The following BPI variants were observed in gnomAD, a reference collection of about 807,000 sequenced individuals.
BPI encodes the protein bactericidal permeability-increasing protein.
In BPI, 48 loss-of-function variants were observed where a neutral mutation model predicts 57.6. The ratio of observed to expected loss-of-function variants is 0.83; its 90% CI spans 0.66 to 1.06. The LOEUF (loss-of-function observed/expected upper bound fraction) is 1.06. BPI is among the 50% of genes least tolerant of loss of function. The pLI is 0.00. For missense variants in BPI, 651 were observed against 609.7 expected (o/e 1.07, Z -0.71); for synonymous variants, 237 against 238.2 (o/e 0.99, Z 0.05).
chr20:38,304,236 C>G lies in BPI; in HGVS notation c.13C>G (p.Pro5Ala). ...GATGAGAGAGAACATGGCCAGGGGC[C>G]CTTGCAACGCGCCGAGATGGGCGTC... MARG[P>A]CNAPRWASLM... is the part of the protein sequence containing the mutation. The change falls in exon 1 of 15, where the codon CCT becomes GCT. Residue 5 changes from proline (P) to alanine (A), a missense_variant. Physicochemically the swap from Pro to Ala is conservative, Grantham distance 27. Transcript: ENST00000642449. 1 of 1,614,158 alleles carries G rather than the reference C, an allele frequency of 6.2e-7. No homozygotes were observed. Among genetic ancestry groups the G allele is most frequent in the Non-Finnish European group, 8.5e-7 (1 of 1,180,026 alleles).
chr20:38,326,479 A>G (rs1375767625), intron 10 of BPI, 47 bp downstream of exon 10: 1 of 1,555,298 alleles, frequency 6.4e-7, no homozygotes. Context: ...AGACAGTCCC[A>G]ACAGCACTGT....
intron 6 of BPI, among the ~76,000 whole-genome samples, chr20:38,319,512 G>T (rs1219679519): frequency 6.6e-6 from 1 of 152,230 alleles, no homozygotes; most frequent in Non-Finnish European, 1.5e-5. Context: ...TGCAGCTGCA[G>T]TGCCCAAGGT....
Position 38,318,469 on chromosome 20 carries a change from T to G in BPI, c.657T>G (p.Thr219=). 6.2e-7 allele frequency: 1 copy of G among 1,613,314 alleles called. No individual in the cohort carries two copies. Among genetic ancestry groups the G allele is most frequent in the Non-Finnish European group, 8.5e-7 (1 of 1,179,292 alleles). ...VSSELQPYFQ[T]LPVMTKIDSV... ...CCGAGCTGCAACCTTATTTCCAGAC[T>G]CTGCCAGGTGAGGGCTGGATGAAGA... The change falls in exon 6 of 15, where the codon ACT becomes ACG. Residue 219 remains threonine, a synonymous_variant. Transcript: ENST00000642449.
chr20:38,312,308 C>T (rs2076625774), intron 5 of BPI, among the ~76,000 whole-genome samples: 1 of 152,112 alleles, frequency 6.6e-6, no homozygotes. Flanking sequence ...CCTTGATGCT[C>T]CCCATTCAGA....
chr20:38,308,325 T>A (rs957297939), intron 2 of BPI, among the ~76,000 whole-genome samples: 7 of 152,158 alleles, frequency 4.6e-5, no homozygotes, highest in African/African-American at 9.7e-5. Flanking sequence ...GGACGTGAGG[T>A]CAACTTTCTT....
At chr20:38,326,567 T>C (rs2076714687) in intron 10 of BPI, 135 bp downstream of exon 10, 1 of 1,117,712 alleles carries the variant, frequency 8.9e-7, no homozygotes, top group African/African-American at 1.6e-5. Flanking sequence ...GAGGCTTGAG[T>C]CACTGTACTC....
intron 7 of BPI, among the ~76,000 whole-genome samples, chr20:38,322,714 G>A (rs6513223): frequency 0.6 from 91,304 of 152,066 alleles, 27,631 homozygotes; most frequent in South Asian, 0.7. Flanking sequence ...AGGTTCAGGC[G>A]ATTCTCCTGC....
intron 5 of BPI, among the ~76,000 whole-genome samples, chr20:38,314,569 TGG>T: frequency 6.9e-6 from 1 of 144,784 alleles, no homozygotes; most frequent in African/African-American, 2.6e-5. Flanking sequence ...GGGATGATGA[TGG>T]TGGTGATGAT....
Position 38,325,279 on chromosome 20 carries a change from C to T in BPI, c.993+446C>T, listed in dbSNP as rs62201523. Among the ~76,000 whole-genome samples the T allele has an allele frequency of 4.8e-4, 73 of 151,812 alleles. No individual in the cohort carries two copies. The Middle Eastern group carries it at 0.01, about 21-fold the overall frequency. ...TTACTTTAGACAAGGTGGTCAAGGA[C>T]GCCTCTGTCTTTATCTGCTCAGGCT... On this transcript the variant is annotated intron_variant, in intron 9 of 14. Coordinates refer to ENST00000642449, the MANE Select transcript of BPI (RefSeq NM_001725.3).
At chr20:38,328,190 T>A (rs1465552867) in intron 11 of BPI, among the ~76,000 whole-genome samples, 2 of 152,196 alleles carry the variant, frequency 1.3e-5, no homozygotes, top group Non-Finnish European at 2.9e-5. Context: ...TGAGGCTGCC[T>A]GCGTTAAAAG....
intron 5 of BPI, chr20:38,317,558 G>T: frequency 1.5e-6 from 1 of 688,896 alleles, no homozygotes; most frequent in Non-Finnish European, 2.7e-6. Context: ...CATTGAGTGG[G>T]TTCTGCACAG....
intron 1 of BPI, among the ~76,000 whole-genome samples, chr20:38,305,457 A>G (rs1021772503): frequency 3.3e-5 from 5 of 152,148 alleles, no homozygotes; most frequent in African/African-American, 7.2e-5. Context: ...CCTGGCTCAC[A>G]TTCTCCATGG....
intron 6 of BPI, among the ~76,000 whole-genome samples, chr20:38,318,801 C>T (rs2076666414): frequency 6.6e-5 from 10 of 152,166 alleles, no homozygotes; most frequent in Admixed American, 6.5e-4. Context: ...TTTTGGATCT[C>T]AGTTTCCATG....
intron 12 of BPI, among the ~76,000 whole-genome samples, chr20:38,332,065 G>A (rs76622542): frequency 0.056 from 8,541 of 152,220 alleles, 308 homozygotes; most frequent in South Asian, 0.12. Flanking sequence ...AGCTTGGTGC[G>A]TTTGGGGAAT....
intron 12 of BPI, 78 bp downstream of exon 12, chr20:38,331,168 C>T: frequency 4.0e-6 from 6 of 1,491,294 alleles, no homozygotes; most frequent in Non-Finnish European, 5.6e-6. Flanking sequence ...AGGCTCAAGG[C>T]ATTATTTAAG....
At chr20:38,336,941 G>A (rs1413182693) in intron 14 of BPI, among the ~76,000 whole-genome samples, 1 of 152,084 alleles carries the variant, frequency 6.6e-6, no homozygotes, top group East Asian at 1.9e-4. Context: ...CAGCTTCCAG[G>A]GAAGCTGCTG....
intron 9 of BPI, 150 bp from the exon 10 acceptor site, chr20:38,326,115 C>A: frequency 2.4e-6 from 2 of 825,628 alleles, no homozygotes; most frequent in Non-Finnish European, 3.6e-6. Context: ...TGGCAGGGTG[C>A]CAGCTGGCAG....
rs773592268 is a variant in BPI at position 38,304,292 on chromosome 20, C to G, written c.69C>G (p.Ala23=). 7 of 1,614,170 alleles carry G rather than the reference C, an allele frequency of 4.3e-6. No individual in the cohort carries two copies. The highest frequency in any genetic ancestry group is 5.9e-6 in the Non-Finnish European group (7 of 1,180,030). ...SLMVLVAIGT[A]VTAAVNPGVV... ...TGGTGCTGGTCGCCATAGGCACCGC[C>G]GTGACAGCGGCCGTCAACCCTGGCG... The change falls in exon 1 of 15, where the codon GCC becomes GCG. Residue 23 remains alanine (A), a synonymous_variant. Transcript: ENST00000642449.
intron 10 of BPI, chr20:38,326,652 A>G: frequency 2.1e-6 from 1 of 485,232 alleles, no homozygotes; most frequent in Non-Finnish European, 3.5e-6. Context: ...TCATTCAATT[A>G]TTCATTCAGT....
Sources: gnomAD v4.1 joint callset for allele counts (sites outside exome capture counted in the v4.1 genomes callset) on GRCh38, gnomAD v4.1.1 for gene constraint, MANE v1.5 for transcripts, NCBI Gene and HGNC (gene_info 2026-07-23, HGNC 2026-07-21) for gene names.